Variants in SCNN1A observed in about 807,000 individuals in gnomAD.
SCNN1A encodes sodium channel epithelial 1 subunit alpha, also known as epithelial sodium channel subunit alpha.
SCNN1A carries 65 observed loss-of-function variants against 68.6 expected under a neutral mutation model. The ratio of observed to expected loss-of-function variants is 0.95; its 90% confidence interval spans 0.78 to 1.16. The LOEUF is 1.16. Among genes scored for constraint, SCNN1A ranks in the 50% most tolerant of loss-of-function variants. The probability of loss-of-function intolerance (pLI) is 0.00; values close to 1 mark genes in which losing one functional copy is unlikely to be tolerated. For missense variants in SCNN1A, 880 were observed against 865.9 expected, an observed-to-expected ratio of 1.02 and a Z score of -0.20; for synonymous variants, 357 against 353.3, an observed-to-expected ratio of 1.01 and a Z score of -0.12.
chr12:6,358,859 C>CAA (rs35673511), intron 4 of SCNN1A, among the ~76,000 whole-genome samples: 111 of 83,546 alleles, frequency 1.3e-3, no homozygotes, highest in African/African-American at 3.2e-3. Context: ...GAACCTGTCT[C>CAA]AAAAAAAAAA....
Position 6,374,233 on chromosome 12 carries a change from G to T in SCNN1A, c.416+135C>A. The T allele has an allele frequency of 7.0e-6, 7 of 998,210 alleles. No individual in the cohort carries two copies. The highest frequency in any genetic ancestry group is 1.0e-5 in the Non-Finnish European group (7 of 678,326). 61.8% of individuals were successfully genotyped at this position (998,210 alleles called of 1,614,324 possible). ...CTGGAGGCTCCTCATTTTGCCAGCA[G>T]TGAGCTCTACCTGGGACAGGGGTGT... is the stretch of plus-strand genomic sequence containing the variant. On this transcript the variant is annotated intron_variant, in intron 2 of 12. Coordinates refer to ENST00000228916, the MANE Select transcript of SCNN1A (RefSeq NM_001038.6). The surrounding 1 kb of genome is among the most constrained non-coding windows in gnomAD (Gnocchi z 6.2).
chr12:6,377,347 G>T, upstream of SCNN1A: 1 of 1,283,342 alleles, frequency 7.8e-7, no homozygotes, highest in Non-Finnish European at 1.1e-6. Context: ...GGATAAATCA[G>T]TTTTCTGAGG....
At chr12:6,365,901 C>T (rs999254108) in intron 2 of SCNN1A, among the ~76,000 whole-genome samples, 2 of 152,056 alleles carry the variant, frequency 1.3e-5, no homozygotes, top group African/African-American at 4.8e-5. Flanking sequence ...CTCAATTGCC[C>T]AGGCTGGAGT....
chr12:6,355,315 A>G lies in SCNN1A; in HGVS notation c.1100T>C (p.Phe367Ser), dbSNP rs1468532720. The change falls in exon 6 of 13, where the codon TTT (phenylalanine) becomes TCT (serine). Residue 367 changes from phenylalanine (F) to serine (S), a missense_variant. Physicochemically the swap from Phe to Ser is radical, Grantham distance 155. Transcript: ENST00000228916. ...GGTCTCCACGCCAGGCCGCAAGTTAAAGCCACCATCATCCATAAAGGCAGG... is the reference window on the plus strand; with the variant it reads ...GGTCTCCACGCCAGGCCGCAAGTTAGAGCCACCATCATCCATAAAGGCAGG... ...DEPAFMDDGG[F>S]NLRPGVETSI... is the part of the protein sequence containing the mutation. 3 of 1,613,712 alleles carry G rather than the reference A, an allele frequency of 1.9e-6. No individual in the cohort carries two copies. The highest frequency in any genetic ancestry group is 1.7e-5 in the Admixed American group (1 of 59,946).
At chr12:6,373,510 C>T (rs942884321) in intron 2 of SCNN1A, among the ~76,000 whole-genome samples, 64 of 152,188 alleles carry the variant, frequency 4.2e-4, no homozygotes, top group Non-Finnish European at 3.1e-4. Flanking sequence ...CTGTGTCTGG[C>T]TTGAAGCAGG....
upstream of SCNN1A, chr12:6,376,221 T>A: frequency 1.0e-6 from 1 of 982,186 alleles, no homozygotes; most frequent in Non-Finnish European, 1.2e-6. Flanking sequence ...TGCCTCCTCC[T>A]GGTCCCTCCT....
chr12:6,359,903 TG>T (rs1308439596), intron 4 of SCNN1A, among the ~76,000 whole-genome samples: 4 of 151,168 alleles, frequency 2.6e-5, no homozygotes, highest in Admixed American at 6.6e-5. Flanking sequence ...CCTGAGTAGC[TG>T]GGGCCACAGA....
In SCNN1A at chr12:6,362,068, C is replaced by A; in HGVS notation, c.858G>T (p.Gln286His). 6.2e-7 allele frequency: 1 copy of A among 1,614,248 alleles called. No homozygotes were observed. Residue 286 changes from glutamine to histidine, a missense_variant, in exon 4 of 13, where the codon CAG (glutamine) becomes CAT (histidine). This residue lies in a region of SCNN1A where 758 missense variants were observed against 721.8 expected (regional missense o/e 1.05). Transcript: ENST00000228916. ...TGACTCACGCCTGGTTGCAGGAGAC[C>A]TGGTTGAAGCGGCAGGCGAAGATGA... Reference protein sequence around the residue: ...GNFIFACRFNQVSCNQANYSH... With the variant: ...GNFIFACRFNHVSCNQANYSH...
rs1227858527 is a variant in SCNN1A at position 6,375,042 on chromosome 12, G to A, written c.-54-205C>T. ...AGCCAGCAGACCTGCGGGAGTTGGG[G>A]CCAAAAGTGCCGGAGCTGGGCTTCC... On this transcript the variant is annotated intron_variant, in intron 1 of 12. Coordinates refer to ENST00000228916, the MANE Select transcript of SCNN1A (RefSeq NM_001038.6). 20 of 1,537,114 alleles carry A rather than the reference G, an allele frequency of 1.3e-5. No individual in the cohort carries two copies. The South Asian group carries it at 2.3e-4, about 17-fold the overall frequency.
chr12:6,368,446 A>G (rs1426722622), intron 2 of SCNN1A, among the ~76,000 whole-genome samples: 2 of 152,214 alleles, frequency 1.3e-5, no homozygotes, highest in African/African-American at 4.8e-5. Context: ...GTGTTTACAT[A>G]TCTAGTTAGG....
Position 6,351,675 on chromosome 12 carries a change from GAGAAAGAA to G in SCNN1A, c.1361-2278_1361-2271del, listed in dbSNP as rs1015811259. On this transcript the variant is annotated intron_variant, in intron 8 of 12. Coordinates refer to ENST00000228916, the MANE Select transcript of SCNN1A (RefSeq NM_001038.6). This position sits in a 1 kb window ranked among gnomAD's most constrained non-coding sequence, Gnocchi z 4.2. ...TTCAGAATAGGCAAATCCATAGAGA[GAGAAAGAA>G]AGAATCGTGGTTGCCCAAGGGCTGG... 7.2e-5 allele frequency among the ~76,000 whole-genome samples: 11 copies of G among 151,986 alleles called. No individual in the cohort carries two copies. In the East Asian group the frequency reaches 1.9e-3, roughly 27 times the overall value.
intron 8 of SCNN1A, among the ~76,000 whole-genome samples, chr12:6,352,021 G>A (rs149377405): frequency 1.3e-4 from 20 of 152,152 alleles, no homozygotes; most frequent in Non-Finnish European, 2.1e-4. Context: ...AAAGTGCTGC[G>A]ATTACAGGCA....
In SCNN1A at chr12:6,348,058, G is replaced by A; in HGVS notation, c.1825C>T (p.Leu609=). 6.2e-7 allele frequency: 1 copy of A among 1,613,128 alleles called. No individual in the cohort carries two copies. The highest frequency in any genetic ancestry group is 1.1e-5 in the South Asian group (1 of 90,934). The part of the protein sequence containing the change: ...GRGAQEVAST[L]ASSPPSHFCP... ...AAGTGGGAAGGAGGGGAGGATGCCA[G>A]GGTGGAGGCTACCTCCTGAGCACCC... The change falls in exon 13 of 13, where the codon CTG becomes TTG. Residue 609 remains leucine, a synonymous_variant. Transcript: ENST00000228916.
Position 6,348,733 on chromosome 12 carries a change from A to G in SCNN1A, c.1623T>C (p.Ser541=). Residue 541 remains serine, a synonymous_variant, in exon 12 of 13, where the codon TCT becomes TCC. Transcript: ENST00000228916. ...CCATCCAGGCACGACCTACCGTGAC[A>G]GAGGGAGACTCAGAATTGGTTTTGT... The part of the protein sequence containing the change: ...LNYKTNSESP[S]VTMVTLLSNL... The G allele has an allele frequency of 2.5e-6, 4 of 1,613,072 alleles. No individual in the cohort carries two copies. Among genetic ancestry groups the G allele is most frequent in the Admixed American group, 1.7e-5 (1 of 59,932 alleles).
In SCNN1A at chr12:6,362,862, T is replaced by C. The variant is rs1400640649; in HGVS notation, c.684+581A>G. On this transcript the variant is annotated intron_variant, in intron 3 of 12. Transcript: ENST00000228916. ...ATGGGCTAATTTTTGTATTTTTTTTTTGTAGAGATGGGGTTTCACTATGTT... is the reference window on the plus strand; with the variant it reads ...ATGGGCTAATTTTTGTATTTTTTTTCTGTAGAGATGGGGTTTCACTATGTT... 2.1e-4 allele frequency among the ~76,000 whole-genome samples: 31 copies of C among 148,880 alleles called. No homozygotes were observed. In the East Asian group the frequency reaches 3.0e-3, roughly 14 times the overall value.
At chr12:6,348,884 T>C in intron 11 of SCNN1A, 66 bp downstream of exon 11, 1 of 1,604,136 alleles carries the variant, frequency 6.2e-7, no homozygotes. Flanking sequence ...TATCGATCCC[T>C]CTTCTTAGGT....
intron 10 of SCNN1A, 60 bp downstream of exon 10, chr12:6,349,104 G>A: frequency 6.2e-7 from 1 of 1,601,292 alleles, no homozygotes; most frequent in East Asian, 2.2e-5. Context: ...AATACCCAGA[G>A]AAGGCCACAG....
intron 10 of SCNN1A, 50 bp downstream of exon 10, chr12:6,349,114 G>A (rs1592059509): frequency 6.2e-7 from 1 of 1,602,504 alleles, no homozygotes. Flanking sequence ...GAAGGCCACA[G>A]CATTACATGG....
chr12:6,354,886 G>C, intron 6 of SCNN1A, 38 bp from the exon 7 acceptor site: 1 of 1,534,962 alleles, frequency 6.5e-7, no homozygotes, highest in African/African-American at 1.4e-5. Flanking sequence ...AGAGGACAGA[G>C]CAAGTGCCTC....
Sources: gnomAD v4.1 joint callset for allele counts (sites outside exome capture counted in the v4.1 genomes callset) on GRCh38, gnomAD v4.1.1 for gene constraint, gnomAD v4.1.1 regional missense constraint, Gnocchi (gnomAD v3.1) non-coding constraint, MANE v1.5 for transcripts, NCBI Gene and HGNC (gene_info 2026-07-23, HGNC 2026-07-21) for gene names.